Variants in NXPE3 observed in about 807,000 individuals in gnomAD.
NXPE3 encodes NXPE family member 3.
NXPE3 carries 26 observed loss-of-function variants against 46.1 expected under a neutral mutation model. The ratio of observed to expected loss-of-function variants is 0.56; its 90% CI spans 0.41 to 0.78. NXPE3 has a LOEUF of 0.78. Among genes scored for constraint, NXPE3 ranks in the 30% least tolerant of loss-of-function variants. The pLI, the probability that NXPE3 is intolerant of heterozygous loss-of-function variation, is 0.00. For missense variants in NXPE3, 620 were observed against 686.0 expected (o/e 0.90, Z 1.07); for synonymous variants, 272 against 257.9 (o/e 1.05, Z -0.52).
In NXPE3 at chr3:101,823,247, A is replaced by G. The variant is rs754618852; in HGVS notation, c.*1293A>G. On this transcript the variant is annotated 3_prime_UTR_variant, in exon 8 of 8. Transcript: ENST00000273347. ...AAGTATGAACAATATATACCCTTAG[A>G]AGAATGGGTCAAATAATTTGGGTTT... The G allele has an allele frequency of 5.3e-5, 8 of 152,022 alleles. No individual in the cohort carries two copies. The highest frequency in any genetic ancestry group is 9.7e-5 in the African/African-American group (4 of 41,368). The allele number at this position is 152,022 out of a possible 1,614,324, so 9.4% of individuals were successfully genotyped here.
chr3:101,789,063 C>T (rs1386749210), intron 4 of NXPE3, among the ~76,000 whole-genome samples: 1 of 152,040 alleles, frequency 6.6e-6, no homozygotes, highest in Non-Finnish European at 1.5e-5. Flanking sequence ...TTTGAAGAAC[C>T]AGCTTTTGAT....
At chr3:101,797,874 G>T (rs576963235) in intron 4 of NXPE3, among the ~76,000 whole-genome samples, 2 of 49,800 alleles carry the variant, frequency 4.0e-5, no homozygotes, top group Admixed American at 4.9e-4. Flanking sequence ...GAATAATGCC[G>T]CAATAAACAT....
intron 6 of NXPE3, among the ~76,000 whole-genome samples, chr3:101,808,818 G>GAC (rs1313213746): frequency 3.2e-5 from 1 of 30,814 alleles, no homozygotes; most frequent in Non-Finnish European, 5.9e-5. Context: ...AATTTTAGAG[G>GAC]ATATATATAT....
rs115998125 is a variant in NXPE3, at chr3:101,817,363, G to T, written c.1129+362G>T. ...ATTCTGGGTTGTAAAATAGAGGTGG[G>T]CATTTCCAGTTGTTTCTCCCCTAGT... On this transcript the variant is annotated intron_variant, in intron 7 of 7. Transcript: ENST00000273347. Among the ~76,000 whole-genome samples the T allele has an allele frequency of 9.8e-3, 1,488 of 152,316 alleles. 20 individuals carry two copies. The highest frequency in any genetic ancestry group is 0.033 in the African/African-American group (1,376 of 41,560).
Position 101,827,603 on chromosome 3 carries a change from A to G in NXPE3, c.*5649A>G, listed in dbSNP as rs1942551700. On this transcript the variant is annotated 3_prime_UTR_variant, in exon 8 of 8. Coordinates refer to ENST00000273347, the MANE Select transcript of NXPE3 (RefSeq NM_145037.4). ...GTGAATCTAATGAGAAGGCAACTCT[A>G]ATGCCCATCAGGAGATTCACTAGGA... Among the ~76,000 whole-genome samples, 1 of 152,204 alleles carries G rather than the reference A, an allele frequency of 6.6e-6. No individual in the cohort carries two copies. Among genetic ancestry groups the G allele is most frequent in the Non-Finnish European group, 1.5e-5 (1 of 68,028 alleles).
At chr3:101,783,786 C>T (rs977477993) in intron 3 of NXPE3, among the ~76,000 whole-genome samples, 17 of 152,062 alleles carry the variant, frequency 1.1e-4, no homozygotes, top group African/African-American at 4.1e-4. Context: ...TTATGGACAA[C>T]TTTTTGAGAA....
Position 101,785,532 on chromosome 3 carries a change from C to A in NXPE3, c.-65C>A. Reference sequence around the variant, plus strand: ...CATCTGCAGCTCAGAAAAGCAAAGACATGGAATTTTAAAGAGTGAAGGTAG... The same window carrying A: ...CATCTGCAGCTCAGAAAAGCAAAGAAATGGAATTTTAAAGAGTGAAGGTAG... On this transcript the variant is annotated 5_prime_UTR_variant, in exon 4 of 8. Transcript: ENST00000273347. The A allele has an allele frequency of 7.1e-7, 1 of 1,407,268 alleles. No homozygotes were observed. The highest frequency in any genetic ancestry group is 1.0e-6 in the Non-Finnish European group (1 of 991,890). The allele number at this position is 1,407,268 out of a possible 1,614,324, so 87.2% of individuals were successfully genotyped here. A position where few individuals can be genotyped will look rare whatever the true frequency, so the allele number is the denominator to read the frequency against.
intron 7 of NXPE3, among the ~76,000 whole-genome samples, chr3:101,817,994 G>A (rs532670933): frequency 1.1e-4 from 17 of 152,166 alleles, no homozygotes; most frequent in Non-Finnish European, 2.5e-4. Context: ...GGGCTCAAGC[G>A]ATCCTCCCAC....
At chr3:101,783,615 CT>C (rs1939964924) in intron 3 of NXPE3, among the ~76,000 whole-genome samples, 1 of 152,216 alleles carries the variant, frequency 6.6e-6, no homozygotes, top group Admixed American at 6.5e-5. Flanking sequence ...TCACTGACAG[CT>C]GTGTGCTGCT....
chr3:101,798,678 T>C (rs1940978834), intron 4 of NXPE3, among the ~76,000 whole-genome samples: 1 of 151,228 alleles, frequency 6.6e-6, no homozygotes, highest in South Asian at 2.1e-4. Context: ...AGTGGCACAA[T>C]CTCAGCGTAC....
chr3:101,811,681 G>A (rs1190023528), intron 6 of NXPE3, among the ~76,000 whole-genome samples: 1 of 151,306 alleles, frequency 6.6e-6, no homozygotes, highest in East Asian at 1.9e-4. Context: ...TGTTTAGGAG[G>A]TATGGCCAAT....
intron 4 of NXPE3, among the ~76,000 whole-genome samples, chr3:101,793,268 C>G (rs964394587): frequency 1.1e-4 from 17 of 152,150 alleles, no homozygotes; most frequent in African/African-American, 3.9e-4. Flanking sequence ...CTTTCTCTTG[C>G]CTGATCCTCT....
chr3:101,812,966 A>G (rs955003567), intron 6 of NXPE3, among the ~76,000 whole-genome samples: 1 of 152,148 alleles, frequency 6.6e-6, no homozygotes, highest in African/African-American at 2.4e-5. Context: ...ACTAAAATAT[A>G]TAGGAAAGAA....
Position 101,785,532 on chromosome 3 carries a change from C to G in NXPE3, c.-65C>G. The G allele has an allele frequency of 7.1e-7, 1 of 1,407,270 alleles. No homozygotes were observed. Among genetic ancestry groups the G allele is most frequent in the Non-Finnish European group, 1.0e-6 (1 of 991,892 alleles). The allele number at this position is 1,407,270 out of a possible 1,614,324, so 87.2% of individuals were successfully genotyped here. On this transcript the variant is annotated 5_prime_UTR_variant, in exon 4 of 8. Transcript: ENST00000273347. ...CATCTGCAGCTCAGAAAAGCAAAGA[C>G]ATGGAATTTTAAAGAGTGAAGGTAG... is the stretch of plus-strand genomic sequence containing the variant.
chr3:101,807,279 G>A (rs1315667509), intron 6 of NXPE3, among the ~76,000 whole-genome samples, 153 bp downstream of exon 6: 1 of 152,062 alleles, frequency 6.6e-6, no homozygotes, highest in Non-Finnish European at 1.5e-5. Context: ...AAAAAAATCA[G>A]ATCTTATGTG....
At chr3:101,807,709 A>G (rs1462130849) in intron 6 of NXPE3, among the ~76,000 whole-genome samples, 2 of 152,064 alleles carry the variant, frequency 1.3e-5, no homozygotes, top group Non-Finnish European at 2.9e-5. Flanking sequence ...ACCTTGTCCA[A>G]TATGATAGCA....
chr3:101,808,854 T>TATATATATATATATATGA (rs770360739), intron 6 of NXPE3, among the ~76,000 whole-genome samples: 1 of 100,346 alleles, frequency 1.0e-5, no homozygotes, highest in Non-Finnish European at 2.1e-5. Flanking sequence ...TATATATATA[T>TATATATATATATATATGA]ATGAGACATT....
chr3:101,822,833 G>C lies in NXPE3; in HGVS notation c.*879G>C, dbSNP rs1173567503. On this transcript the variant is annotated 3_prime_UTR_variant, in exon 8 of 8. Coordinates refer to ENST00000273347, the MANE Select transcript of NXPE3 (RefSeq NM_145037.4). ...GTGGAAGTTTTTTCCACTAGTTTCA[G>C]GTGTTTTTTTTTTTGTTGTTGTTGT... 7.3e-5 allele frequency: 9 copies of C among 123,370 alleles called. No individual in the cohort carries two copies. Among genetic ancestry groups the C allele is most frequent in the Admixed American group, 2.3e-4 (3 of 13,122 alleles). 7.6% of individuals were successfully genotyped at this position (123,370 alleles called of 1,614,324 possible).
At chr3:101,796,558 T>G (rs1940839977) in intron 4 of NXPE3, among the ~76,000 whole-genome samples, 2 of 152,322 alleles carry the variant, frequency 1.3e-5, no homozygotes, top group South Asian at 4.1e-4. Flanking sequence ...TGGTCCTTAA[T>G]GGTGTGTCAC....
Sources: gnomAD v4.1 joint callset for allele counts (sites outside exome capture counted in the v4.1 genomes callset) on GRCh38, gnomAD v4.1.1 for gene constraint, MANE v1.5 for transcripts, NCBI Gene and HGNC (gene_info 2026-07-23, HGNC 2026-07-21) for gene names.